UGT1A6: variants seen among roughly 807,000 people sequenced by gnomAD.
UGT1A6 encodes UDP-glucuronosyltransferase 1A6.
UGT1A6 carries 32 observed loss-of-function variants against 44.4 expected under a neutral mutation model. That is an observed-to-expected ratio of 0.72 (90% confidence interval 0.54 to 0.97). The LOEUF is 0.97. Among genes scored for constraint, UGT1A6 ranks in the 50% least tolerant of loss-of-function variants. UGT1A6 has a pLI of 0.00. For missense variants in UGT1A6, 685 were observed against 661.9 expected (o/e 1.03, Z -0.38); for synonymous variants, 238 against 248.5 (o/e 0.96, Z 0.40).
chr2:233,743,792 G>A (rs775660405), intron 1 of UGT1A6: 16 of 1,367,176 alleles, frequency 1.2e-5, no homozygotes, highest in East Asian at 4.6e-5. Context: ...TCTCCTCTCC[G>A]CTTCCTCCTT....
intron 4 of UGT1A6, 143 bp downstream of exon 4, chr2:233,768,582 CTTTTTTTTTTTT>C (rs139595073): frequency 1.3e-5 from 13 of 1,033,070 alleles, no homozygotes; most frequent in Admixed American, 4.7e-5. Context: ...TTTATTTCTT[CTTTTTTTTTTTT>C]TTTTTTTTTT....
At chr2:233,709,935 G>T (rs984071244) in intron 1 of UGT1A6, among the ~76,000 whole-genome samples, 8 of 152,098 alleles carry the variant, frequency 5.3e-5, no homozygotes, top group Non-Finnish European at 1.2e-4. Context: ...GGCAACCCTG[G>T]ATGGTTTCTG....
At chr2:233,714,345 G>A (rs2076380824) in intron 1 of UGT1A6, among the ~76,000 whole-genome samples, 1 of 152,206 alleles carries the variant, frequency 6.6e-6, no homozygotes, top group Non-Finnish European at 1.5e-5. Flanking sequence ...CTCAGAGGAA[G>A]TAGAGGTTTC....
chr2:233,735,046 T>C (rs895113176), intron 1 of UGT1A6, among the ~76,000 whole-genome samples: 2 of 152,242 alleles, frequency 1.3e-5, no homozygotes, highest in African/African-American at 4.8e-5. Flanking sequence ...GGTGCAGAGC[T>C]GAGTTCAGGT....
At chr2:233,718,845 C>T (rs372864250) in intron 1 of UGT1A6, 6 of 1,613,704 alleles carry the variant, frequency 3.7e-6, no homozygotes, top group Non-Finnish European at 5.1e-6. Flanking sequence ...CCAGGTTCCC[C>T]TGCCGCGGCT....
intron 1 of UGT1A6, chr2:233,761,153 T>C (rs772088902): frequency 6.2e-7 from 1 of 1,614,188 alleles, no homozygotes; most frequent in Non-Finnish European, 8.5e-7. Flanking sequence ...CTATCCCAGG[T>C]GTGTATTGGA....
chr2:233,757,895 TC>T (rs374634919), intron 1 of UGT1A6, among the ~76,000 whole-genome samples: 2 of 152,016 alleles, frequency 1.3e-5, no homozygotes, highest in Non-Finnish European at 2.9e-5. Context: ...AGAAACACTT[TC>T]CATGGACGTG....
At chr2:233,724,615 G>A (rs2077289109) in intron 1 of UGT1A6, among the ~76,000 whole-genome samples, 1 of 137,470 alleles carries the variant, frequency 7.3e-6, no homozygotes, top group South Asian at 2.8e-4. Flanking sequence ...GCCGGGCAGA[G>A]ACGCTCCTCA....
chr2:233,760,805 A>C (rs1464812223), intron 1 of UGT1A6: 1 of 1,613,342 alleles, frequency 6.2e-7, no homozygotes, highest in Admixed American at 1.7e-5. Context: ...TTCTTCTTGC[A>C]TGCACTGCCA....
intron 1 of UGT1A6, among the ~76,000 whole-genome samples, chr2:233,739,668 T>C (rs1477304196): frequency 6.6e-6 from 1 of 152,244 alleles, no homozygotes; most frequent in Non-Finnish European, 1.5e-5. Context: ...CATTGTGTCT[T>C]GGAAGTTACT....
chr2:233,753,563 T>C (rs1178575284), intron 1 of UGT1A6: 3 of 152,234 alleles, frequency 2.0e-5, no homozygotes, highest in Non-Finnish European at 2.9e-5. Flanking sequence ...CCCTAGAAGA[T>C]GGGACCCTTT....
intron 1 of UGT1A6, chr2:233,719,315 G>A (rs768997881): frequency 1.2e-6 from 2 of 1,613,980 alleles, no homozygotes; most frequent in Non-Finnish European, 1.7e-6. Context: ...CTAAGTACCT[G>A]TCGATTCCTG....
At chr2:233,698,403 A>ACAC (rs1306407521) in intron 1 of UGT1A6, among the ~76,000 whole-genome samples, 3 of 152,206 alleles carry the variant, frequency 2.0e-5, no homozygotes. Context: ...ATTTTATGTG[A>ACAC]CTTCATCGCA....
intron 1 of UGT1A6, among the ~76,000 whole-genome samples, chr2:233,749,659 C>T (rs1400129008): frequency 6.6e-6 from 1 of 151,752 alleles, no homozygotes. Context: ...AATTGTAATC[C>T]CCATAATCCC....
Position 233,768,326 on chromosome 2 carries a change from G to A in UGT1A6, c.1188G>A (p.Gln396=), listed in dbSNP as rs1299905562. ...PMVMMPLFGD[Q]MDNAKRMETK... ...TGATGATGCCCTTGTTTGGTGATCAGATGGACAATGCAAAGCGCATGGAGA... is the reference window on the plus strand; with the variant it reads ...TGATGATGCCCTTGTTTGGTGATCAAATGGACAATGCAAAGCGCATGGAGA... The change falls in exon 4 of 5, where the codon CAG becomes CAA. Residue 396 remains glutamine (Q), a synonymous_variant. Transcript: ENST00000305139. 6.2e-7 allele frequency: 1 copy of A among 1,614,204 alleles called. No homozygotes were observed. The highest frequency in any genetic ancestry group is 1.3e-5 in the African/African-American group (1 of 75,056).
chr2:233,755,562 G>A (rs185113714), intron 1 of UGT1A6: 366 of 159,838 alleles, frequency 2.3e-3, no homozygotes, highest in Non-Finnish European at 4.3e-3. Flanking sequence ...GGGAAAAAGA[G>A]GTTGGGGAAA....
At chr2:233,743,767 G>A (rs374421270) in intron 1 of UGT1A6, 102 of 1,367,178 alleles carry the variant, frequency 7.5e-5, no homozygotes, top group Admixed American at 1.9e-4. Flanking sequence ...CGTAGGCCTC[G>A]GCCACCTGCT....
chr2:233,758,075 A>C (rs1280685172), intron 1 of UGT1A6, among the ~76,000 whole-genome samples: 1 of 152,176 alleles, frequency 6.6e-6, no homozygotes, highest in African/African-American at 2.4e-5. Flanking sequence ...TTCTGGGCCT[A>C]GTTCCTAGCA....
chr2:233,743,081 G>C, intron 1 of UGT1A6: 1 of 347,046 alleles, frequency 2.9e-6, no homozygotes, highest in Non-Finnish European at 5.6e-6. Context: ...GGCATGAAGT[G>C]TTTATAAATT....
Sources: allele counts gnomAD v4.1 joint callset (sites outside exome capture counted in the v4.1 genomes callset), GRCh38; gene constraint gnomAD v4.1.1; transcripts MANE v1.5; gene names NCBI Gene and HGNC (gene_info 2026-07-23, HGNC 2026-07-21).